SMG6: variants seen among roughly 807,000 people sequenced by gnomAD.
SMG6 encodes SMG6 nonsense mediated mRNA decay factor, also known as telomerase-binding protein EST1A.
A neutral mutation model predicts 142.2 loss-of-function variants in SMG6; 66 were observed. That is an observed-to-expected ratio of 0.46 (90% CI 0.38 to 0.57). The LOEUF is 0.57. Ranked by LOEUF, SMG6 falls within the 20% of genes least tolerant of loss-of-function variation. The probability of loss-of-function intolerance (pLI) is 0.00; values close to 1 mark genes in which losing one functional copy is unlikely to be tolerated. For missense variants in SMG6, 1,793 were observed against 1,832.0 expected, an observed-to-expected ratio of 0.98 and a Z score of 0.39; for synonymous variants, 779 against 702.4, an observed-to-expected ratio of 1.11 and a Z score of -1.72.
chr17:2,255,802 A>G (rs1303989342), intron 8 of SMG6: 3 of 226,044 alleles, frequency 1.3e-5, no homozygotes, highest in South Asian at 5.4e-5. Context: ...TGTGGAAGGA[A>G]GTAGACATGG....
At chr17:2,108,553 T>A (rs1468695180) in intron 13 of SMG6, among the ~76,000 whole-genome samples, 1 of 152,090 alleles carries the variant, frequency 6.6e-6, no homozygotes, top group African/African-American at 2.4e-5. Flanking sequence ...ATTGCTTGAA[T>A]CTGGGAGGCA....
intron 1 of SMG6, among the ~76,000 whole-genome samples, chr17:2,302,703 G>C (rs1257329542): frequency 1.3e-5 from 2 of 152,094 alleles, no homozygotes; most frequent in African/African-American, 2.4e-5. Context: ...GTTTTGGATA[G>C]TGCTTCACTA....
At position 2,242,686 on chromosome 17, in the gene SMG6, CTT is replaced by C. The variant is rs548200311; in HGVS notation, c.2723+1970_2723+1971del. Among the ~76,000 whole-genome samples, 416 of 51,326 alleles carry C rather than the reference CTT, an allele frequency of 8.1e-3. 12 individuals are homozygous for C. The highest frequency in any genetic ancestry group is 0.045 in the African/African-American group (382 of 8,424). 33.7% of individuals were successfully genotyped at this position (51,326 alleles called of 152,430 possible). A position where few individuals can be genotyped will look rare whatever the true frequency, so the allele number is the denominator to read the frequency against. ...TGGGTAACACAGACAGGCTCCATCTCTTTAAAAAAAAAAAAAAAAAAAAAAAA... is the reference window on the plus strand; with the variant it reads ...TGGGTAACACAGACAGGCTCCATCTCTAAAAAAAAAAAAAAAAAAAAAAAA... On this transcript the variant is annotated intron_variant, in intron 9 of 18. Coordinates refer to ENST00000263073, the MANE Select transcript of SMG6 (RefSeq NM_017575.5).
chr17:2,217,909 G>A (rs991208439), intron 10 of SMG6, among the ~76,000 whole-genome samples: 6 of 151,714 alleles, frequency 4.0e-5, no homozygotes, highest in Non-Finnish European at 7.4e-5. Flanking sequence ...ACTCGGGAGG[G>A]CGAGACAGGA....
At chr17:2,208,433 A>G (rs148257900) in intron 10 of SMG6, among the ~76,000 whole-genome samples, 2 of 152,324 alleles carry the variant, frequency 1.3e-5, no homozygotes, top group African/African-American at 4.8e-5. Context: ...CAATTCACCA[A>G]GCTGCCCCAC....
rs139205494 is a variant in SMG6, at chr17:2,163,862, C to T, written c.3357+8796G>A. Among the ~76,000 whole-genome samples the T allele has an allele frequency of 4.3e-3, 652 of 150,868 alleles. 7 individuals are homozygous for T. Among genetic ancestry groups the T allele is most frequent in the African/African-American group, 0.015 (616 of 41,094 alleles). ...CAGATCACTTGAGGTCAGGAGTTCGCGACCAGCCTGGGCAACAGGGTGAAA... is the reference window on the plus strand; with the variant it reads ...CAGATCACTTGAGGTCAGGAGTTCGTGACCAGCCTGGGCAACAGGGTGAAA... On this transcript the variant is annotated intron_variant, in intron 13 of 18. Coordinates refer to ENST00000263073, the MANE Select transcript of SMG6 (RefSeq NM_017575.5).
intron 8 of SMG6, among the ~76,000 whole-genome samples, chr17:2,259,627 C>T (rs895842477): frequency 4.9e-5 from 7 of 141,940 alleles, no homozygotes; most frequent in Non-Finnish European, 1.5e-5. Context: ...GAGCCGAGAT[C>T]GTGCCACTGC....
chr17:2,200,362 A>T (rs1380153313), intron 10 of SMG6, among the ~76,000 whole-genome samples: 1 of 151,790 alleles, frequency 6.6e-6, no homozygotes, highest in African/African-American at 2.4e-5. Context: ...TGTATTCCTT[A>T]TTTTTTTTAA....
chr17:2,264,824 C>T (rs1348138680), intron 8 of SMG6, among the ~76,000 whole-genome samples: 1 of 151,870 alleles, frequency 6.6e-6, no homozygotes, highest in Admixed American at 6.6e-5. Flanking sequence ...ATTGCTTGAG[C>T]CCAGGAGGCG....
chr17:2,293,331 CTCTGGGACTCAGT>C (rs2075080529), intron 4 of SMG6, among the ~76,000 whole-genome samples: 2 of 152,280 alleles, frequency 1.3e-5, no homozygotes, highest in South Asian at 4.1e-4. Context: ...CTTTGAGATG[CTCTGGGACTCAGT>C]TTCTTCACCT....
intron 13 of SMG6, among the ~76,000 whole-genome samples, chr17:2,122,812 T>C (rs2069745542): frequency 6.6e-6 from 1 of 152,198 alleles, no homozygotes; most frequent in Non-Finnish European, 1.5e-5. Flanking sequence ...AATGTTTATC[T>C]GGGCAGATAA....
Position 2,061,224 on chromosome 17 carries a change from C to T in SMG6, c.*268G>A, listed in dbSNP as rs2067765281. On this transcript the variant is annotated 3_prime_UTR_variant, in exon 19 of 19. Transcript: ENST00000263073. ...CTGAGAGCATGGGCGGCCTATCTGG[C>T]TTGCCCAGCTGCTGTTGCTGTAGCC... 3 of 406,196 alleles carry T rather than the reference C, an allele frequency of 7.4e-6. No homozygotes were observed. The East Asian group carries it at 1.5e-4, about 20-fold the overall frequency. 25.2% of individuals were successfully genotyped at this position (406,196 alleles called of 1,614,324 possible). A position where few individuals can be genotyped will look rare whatever the true frequency, so the allele number is the denominator to read the frequency against.
intron 15 of SMG6, among the ~76,000 whole-genome samples, chr17:2,077,639 G>A (rs1446364820): frequency 1.3e-5 from 2 of 152,216 alleles, no homozygotes; most frequent in African/African-American, 4.8e-5. Context: ...AGGCCTCACA[G>A]CAGCTCTAAT....
At chr17:2,157,973 AG>A (rs2071059233) in intron 13 of SMG6, among the ~76,000 whole-genome samples, 1 of 152,260 alleles carries the variant, frequency 6.6e-6, no homozygotes, top group Non-Finnish European at 1.5e-5. Flanking sequence ...CCAAAGTCAC[AG>A]GAGTGGGACA....
chr17:2,272,312 T>C (rs577527723), intron 8 of SMG6, among the ~76,000 whole-genome samples: 1 of 152,202 alleles, frequency 6.6e-6, no homozygotes, highest in Non-Finnish European at 1.5e-5. Context: ...GGAAGCCTTC[T>C]GAATTCACTT....
rs1479369097 is a variant in SMG6, at chr17:2,186,785, C to A, written c.3033G>T (p.Lys1011Asn). The change falls in exon 12 of 19, where the codon AAG becomes AAT. Residue 1011 changes from lysine to asparagine, a missense_variant. Coordinates refer to ENST00000263073, the MANE Select transcript of SMG6 (RefSeq NM_017575.5). ...TCAGGTCCGGGACAAAGGAAGACAC[C>A]TTGATGTCGTCTTGGTCATCCTGGT... ...PEDQDDQDDI[K>N]VSSFVPDLKE... The A allele has an allele frequency of 3.1e-6, 5 of 1,614,198 alleles. No homozygotes were observed. In the South Asian group the frequency reaches 4.4e-5, roughly 14 times the overall value.
intron 1 of SMG6, among the ~76,000 whole-genome samples, chr17:2,301,382 C>T (rs950411162): frequency 6.6e-6 from 1 of 152,176 alleles, no homozygotes; most frequent in Non-Finnish European, 1.5e-5. Context: ...AAATACTGCT[C>T]AGACTATCAT....
intron 12 of SMG6, among the ~76,000 whole-genome samples, chr17:2,174,164 T>A (rs368156682): frequency 1.4e-4 from 22 of 152,170 alleles, no homozygotes; most frequent in African/African-American, 5.1e-4. Context: ...TTTGGGAACA[T>A]GAGAAGGGAG....
rs375167421 is a variant in SMG6 at position 2,299,582 on chromosome 17, T to C, written c.1171A>G (p.Lys391Glu). 8 of 1,614,024 alleles carry C rather than the reference T, an allele frequency of 5.0e-6. No homozygotes were observed. Among genetic ancestry groups the C allele is most frequent in the Admixed American group, 1.7e-5 (1 of 60,002 alleles). Residue 391 changes from lysine to glutamate, a missense_variant, in exon 2 of 19, where the codon AAG (lysine) becomes GAG (glutamate). Physicochemically the swap from Lys to Glu is moderately conservative, Grantham distance 56. Around this residue, in one of 3 missense-constraint regions of SMG6, gnomAD observed 1,597 missense variants for 1,584.6 expected, o/e 1.01. Coordinates refer to ENST00000263073, the MANE Select transcript of SMG6 (RefSeq NM_017575.5). This position sits in a 1 kb window ranked among gnomAD's most constrained non-coding sequence, Gnocchi z 4.3. ...GLSSGGKGSE[K>E]QESKNPKQEL... is the part of the protein sequence containing the mutation. Reference sequence around the variant, plus strand: ...TGTTTCGGGTTTTTGGACTCCTGCTTCTCAGAGCCTTTGCCCCCACTGCTC... The same window carrying C: ...TGTTTCGGGTTTTTGGACTCCTGCTCCTCAGAGCCTTTGCCCCCACTGCTC...
Sources: gnomAD v4.1 joint callset for allele counts (sites outside exome capture counted in the v4.1 genomes callset) on GRCh38, gnomAD v4.1.1 for gene constraint, gnomAD v4.1.1 regional missense constraint, Gnocchi (gnomAD v3.1) non-coding constraint, MANE v1.5 for transcripts, NCBI Gene and HGNC (gene_info 2026-07-23, HGNC 2026-07-21) for gene names.